Variants in ABCB10 observed in about 807,000 individuals in gnomAD.
ABCB10 encodes the protein ATP-binding cassette sub-family B member 10, mitochondrial.
Under a neutral mutation model 65.4 loss-of-function variants are expected in ABCB10, and 54 were observed. The observed-to-expected ratio is 0.83, with a 90% CI of 0.66 to 1.04. The LOEUF (loss-of-function observed/expected upper bound fraction) is 1.04. Ranked by LOEUF, ABCB10 falls within the 50% of genes least tolerant of loss-of-function variation. The pLI, the probability that ABCB10 is intolerant of heterozygous loss-of-function variation, is 0.00. For missense variants in ABCB10, 846 were observed against 976.6 expected (o/e 0.87, Z 1.78); for synonymous variants, 418 against 406.5 (o/e 1.03, Z -0.34).
chr1:229,521,335 G>T (rs986294687), intron 11 of ABCB10, among the ~76,000 whole-genome samples: 1 of 151,882 alleles, frequency 6.6e-6, no homozygotes, highest in Non-Finnish European at 1.5e-5. Context: ...TTGATGGAGG[G>T]TCCATGTGTT....
In ABCB10 at chr1:229,518,109, G is replaced by T; in HGVS notation, c.*70C>A. The T allele has an allele frequency of 8.9e-7, 1 of 1,127,556 alleles. No homozygotes were observed. Among genetic ancestry groups the T allele is most frequent in the Non-Finnish European group, 1.3e-6 (1 of 761,342 alleles). 69.8% of individuals were successfully genotyped at this position (1,127,556 alleles called of 1,614,324 possible). On this transcript the variant is annotated 3_prime_UTR_variant, in exon 13 of 13. Transcript: ENST00000344517. ...TGATATATGGTTTATGTATTTCATAGTCTCTGAGTTTTTTTTCTGCAACAC... is the reference window on the plus strand; with the variant it reads ...TGATATATGGTTTATGTATTTCATATTCTCTGAGTTTTTTTTCTGCAACAC...
At chr1:229,527,596 CA>C (rs776535562) in intron 8 of ABCB10, among the ~76,000 whole-genome samples, 8 of 152,104 alleles carry the variant, frequency 5.3e-5, no homozygotes, top group Non-Finnish European at 1.0e-4. Context: ...GGAGTTTTCC[CA>C]AAACTCCCTA....
chr1:229,539,635 C>T, intron 5 of ABCB10, 44 bp from the exon 6 acceptor site: 1 of 1,593,604 alleles, frequency 6.3e-7, no homozygotes, highest in Non-Finnish European at 8.5e-7. Flanking sequence ...GAATCAAGGA[C>T]CCAGAATGTG....
intron 6 of ABCB10, among the ~76,000 whole-genome samples, chr1:229,535,851 G>T (rs757500591): frequency 1.3e-4 from 19 of 151,840 alleles, no homozygotes; most frequent in Non-Finnish European, 2.5e-4. Context: ...TCAGTCTCCC[G>T]AGTAGCTGGG....
intron 6 of ABCB10, among the ~76,000 whole-genome samples, chr1:229,537,369 T>C (rs1571968235): frequency 6.6e-6 from 1 of 152,270 alleles, no homozygotes; most frequent in Non-Finnish European, 1.5e-5. Context: ...ACCCCTAGTA[T>C]GTCTTTCTAG....
chr1:229,518,118 T>C lies in ABCB10; in HGVS notation c.*61A>G. The stretch of plus-strand genomic sequence containing the variant: ...GTTTATGTATTTCATAGTCTCTGAG[T>C]TTTTTTTCTGCAACACTGTTTTGCA... On this transcript the variant is annotated 3_prime_UTR_variant, in exon 13 of 13. Transcript: ENST00000344517. The C allele has an allele frequency of 3.1e-6, 4 of 1,280,558 alleles. No homozygotes were observed. Among genetic ancestry groups the C allele is most frequent in the Non-Finnish European group, 4.5e-6 (4 of 896,714 alleles). The allele number at this position is 1,280,558 out of a possible 1,614,324, so 79.3% of individuals were successfully genotyped here.
intron 9 of ABCB10, among the ~76,000 whole-genome samples, chr1:229,526,341 A>T (rs1662444541): frequency 6.6e-6 from 1 of 152,204 alleles, no homozygotes; most frequent in Non-Finnish European, 1.5e-5. Context: ...TGCCTTAGGA[A>T]TCAGGAGGCA....
rs1663304643 is a variant in ABCB10 at position 229,558,124 on chromosome 1, G to T, written c.517+12C>A. On this transcript the variant is annotated intron_variant, in intron 1 of 12. Transcript: ENST00000344517. ...AGGCCCGGCGGAGGGAAGTGGCCGG[G>T]GAGGACCCTACCTGCCAGCCTCCGG... 3.6e-6 allele frequency: 5 copies of T among 1,380,306 alleles called. No homozygotes were observed. The highest frequency in any genetic ancestry group is 2.7e-4 in the Middle Eastern group (1 of 3,724). The allele number at this position is 1,380,306 out of a possible 1,614,324, so 85.5% of individuals were successfully genotyped here. A position where few individuals can be genotyped will look rare whatever the true frequency, so the allele number is the denominator to read the frequency against.
At chr1:229,524,879 A>T (rs1011305932) in intron 10 of ABCB10, among the ~76,000 whole-genome samples, 1 of 151,742 alleles carries the variant, frequency 6.6e-6, no homozygotes, top group Admixed American at 6.6e-5. Context: ...TTTGGGACAG[A>T]GTCTCATTCT....
chr1:229,535,217 G>A (rs2145394), intron 6 of ABCB10: 32,447 of 151,850 alleles, frequency 0.21, 3,616 homozygotes, highest in Middle Eastern at 0.28. Flanking sequence ...CCAATCAAGC[G>A]GTTATACTCC....
At chr1:229,537,613 C>T (rs1446191593) in intron 6 of ABCB10, among the ~76,000 whole-genome samples, 1 of 152,012 alleles carries the variant, frequency 6.6e-6, no homozygotes, top group African/African-American at 2.4e-5. Flanking sequence ...ATGGTGAAAC[C>T]CCGTCTCTAT....
rs1380672936 is a variant in ABCB10 at position 229,539,586 on chromosome 1, C to G, written c.1209G>C (p.Gly403=). The G allele has an allele frequency of 1.2e-6, 2 of 1,612,556 alleles. No individual in the cohort carries two copies. Among genetic ancestry groups the G allele is most frequent in the Non-Finnish European group, 1.7e-6 (2 of 1,179,640 alleles). ...AAAGCACGATCAGGTTTCCGGAGAG[C>G]CCAGTCTGTCGAATGAAGAAAACAC... ...FARAGFFGAT[G]LSGNLIVLSV... is the part of the protein sequence containing the mutation. Residue 403 remains glycine, a synonymous_variant, in exon 6 of 13, where the codon GGG becomes GGC. Coordinates refer to ENST00000344517, the MANE Select transcript of ABCB10 (RefSeq NM_012089.3).
chr1:229,523,032 TATG>T (rs1337125712), intron 10 of ABCB10, among the ~76,000 whole-genome samples: 1 of 152,136 alleles, frequency 6.6e-6, no homozygotes, highest in African/African-American at 2.4e-5. Context: ...ACTTATTCTT[TATG>T]ATGTTCTTTT....
At chr1:229,546,405 G>C (rs1662968039) in intron 3 of ABCB10, among the ~76,000 whole-genome samples, 1 of 152,060 alleles carries the variant, frequency 6.6e-6, no homozygotes, top group Non-Finnish European at 1.5e-5. Flanking sequence ...GGAGTCAAAA[G>C]TTATACTTTG....
intron 1 of ABCB10, among the ~76,000 whole-genome samples, chr1:229,553,599 AT>A (rs1558130088): frequency 1.6e-4 from 25 of 151,736 alleles, no homozygotes; most frequent in Non-Finnish European, 4.4e-5. Flanking sequence ...GGATGTGAGC[AT>A]TTTTCCTCTC....
chr1:229,549,124 G>C (rs1243743453), intron 2 of ABCB10, 110 bp downstream of exon 2: 3 of 1,147,238 alleles, frequency 2.6e-6, no homozygotes. Flanking sequence ...ATGCCAGGAA[G>C]AGAGGAAGAG....
chr1:229,532,834 C>G (rs1289748898), intron 6 of ABCB10, among the ~76,000 whole-genome samples: 1 of 152,196 alleles, frequency 6.6e-6, no homozygotes, highest in African/African-American at 2.4e-5. Flanking sequence ...TGAGGTATTA[C>G]TGCACCACTG....
intron 11 of ABCB10, among the ~76,000 whole-genome samples, chr1:229,521,295 C>T (rs1485616690): frequency 6.6e-6 from 1 of 152,042 alleles, no homozygotes; most frequent in Non-Finnish European, 1.5e-5. Flanking sequence ...CATTAATAAT[C>T]ACTGTTTCAC....
intron 10 of ABCB10, among the ~76,000 whole-genome samples, chr1:229,524,251 C>T (rs1199034275): frequency 6.6e-6 from 1 of 151,814 alleles, no homozygotes; most frequent in African/African-American, 2.4e-5. Context: ...ACCTCTGCCT[C>T]GCTGGGCTCA....
Sources: allele counts gnomAD v4.1 joint callset (sites outside exome capture counted in the v4.1 genomes callset), GRCh38; gene constraint gnomAD v4.1.1; transcripts MANE v1.5; gene names NCBI Gene and HGNC (gene_info 2026-07-23, HGNC 2026-07-21).